The following TXNDC9 variants were observed in gnomAD, a reference collection of about 807,000 sequenced individuals.
TXNDC9 encodes thioredoxin domain containing 9.
TXNDC9 carries 7 observed loss-of-function variants against 23.0 expected under a neutral mutation model. The ratio of observed to expected loss-of-function variants is 0.30; its 90% CI spans 0.17 to 0.57. The LOEUF is 0.57. TXNDC9 is among the 20% of genes least tolerant of loss of function. The pLI is 0.90. For missense variants in TXNDC9, 198 were observed against 252.6 expected, an observed-to-expected ratio of 0.78 and a Z score of 1.47; for synonymous variants, 72 against 90.6, an observed-to-expected ratio of 0.79 and a Z score of 1.17.
rs1378629256 is a variant in TXNDC9 at position 99,336,313 on chromosome 2, G to C, written c.-107C>G. ...ACACGTCCACTCCGGCTTTTGCCTT[G>C]CAGTAGCTGCCGGCGGCTGCAAACG... On this transcript the variant is annotated 5_prime_UTR_variant, in exon 1 of 5. Transcript: ENST00000264255. The C allele has an allele frequency of 1.0e-5, 10 of 985,388 alleles. No individual in the cohort carries two copies. The highest frequency in any genetic ancestry group is 1.1e-5 in the Non-Finnish European group (9 of 830,006). 61.0% of individuals were successfully genotyped at this position (985,388 alleles called of 1,614,324 possible).
At chr2:99,313,867 T>A in the TXNDC9 span, among the ~76,000 whole-genome samples, 1 of 152,232 alleles carries the variant, frequency 6.6e-6, no homozygotes, top group Admixed American at 6.5e-5. Flanking sequence ...TTGACCTATT[T>A]CATTCCTAAA....
chr2:99,322,653 T>C (rs1373329136), intron 3 of TXNDC9: 3 of 1,540,476 alleles, frequency 1.9e-6, no homozygotes, highest in Non-Finnish European at 8.7e-7. Flanking sequence ...CTCCTAAATA[T>C]GCAACGCTGT....
chr2:99,327,948 C>T (rs1399817418), intron 2 of TXNDC9, among the ~76,000 whole-genome samples: 1 of 151,890 alleles, frequency 6.6e-6, no homozygotes, highest in East Asian at 1.9e-4. Context: ...GTATGTCCAG[C>T]TACTTTTTGT....
intron 1 of TXNDC9, among the ~76,000 whole-genome samples, chr2:99,335,248 C>G (rs2094235880): frequency 6.6e-6 from 1 of 152,200 alleles, no homozygotes; most frequent in Non-Finnish European, 1.5e-5. Flanking sequence ...GCTTCTGACA[C>G]AGATTCTGAC....
intron 3 of TXNDC9, among the ~76,000 whole-genome samples, chr2:99,326,369 G>C (rs1468110680): frequency 6.6e-6 from 1 of 152,244 alleles, no homozygotes; most frequent in Admixed American, 6.5e-5. Flanking sequence ...ATGAGAAAGA[G>C]AGCAGGGCTG....
At chr2:99,315,441 A>G (rs2094187093), downstream of TXNDC9, among the ~76,000 whole-genome samples, 1 of 152,016 alleles carries the variant, frequency 6.6e-6, no homozygotes, top group African/African-American at 2.4e-5. Flanking sequence ...TTCCGGATAC[A>G]TTTTATCAGA....
chr2:99,324,998 C>A (rs1213704159), intron 3 of TXNDC9, among the ~76,000 whole-genome samples: 1 of 152,254 alleles, frequency 6.6e-6, no homozygotes, highest in Non-Finnish European at 1.5e-5. Flanking sequence ...CCTGCCTCAG[C>A]CTCCCAAAGT....
At chr2:99,320,876 G>A (rs951359554) in intron 4 of TXNDC9, among the ~76,000 whole-genome samples, 8 of 152,048 alleles carry the variant, frequency 5.3e-5, no homozygotes, top group Non-Finnish European at 8.8e-5. Context: ...ATGAGGATTC[G>A]TTGTACTAGT....
downstream of TXNDC9, among the ~76,000 whole-genome samples, chr2:99,318,463 C>T (rs548089941): frequency 5.3e-5 from 8 of 152,256 alleles, no homozygotes; most frequent in South Asian, 1.5e-3. Flanking sequence ...CGTGAGGCAC[C>T]GTGCCCGGCC....
intron 3 of TXNDC9, among the ~76,000 whole-genome samples, chr2:99,327,118 G>A (rs1027007992): frequency 6.6e-6 from 1 of 151,896 alleles, no homozygotes; most frequent in African/African-American, 2.4e-5. Context: ...TATCGCTCGA[G>A]CTGAAGTGCA....
intron 3 of TXNDC9, among the ~76,000 whole-genome samples, chr2:99,326,066 C>G (rs1396525586): frequency 1.3e-5 from 2 of 151,580 alleles, no homozygotes; most frequent in Non-Finnish European, 2.9e-5. Flanking sequence ...ATTTTACATA[C>G]TAGTATATTT....
downstream of TXNDC9, among the ~76,000 whole-genome samples, chr2:99,316,950 G>T (rs934099893): frequency 2.0e-5 from 3 of 152,136 alleles, no homozygotes; most frequent in Non-Finnish European, 2.9e-5. Flanking sequence ...TAGAGACGGG[G>T]TTTCACGGTG....
At chr2:99,332,570 G>A (rs1027768668) in intron 2 of TXNDC9, among the ~76,000 whole-genome samples, 1 of 152,172 alleles carries the variant, frequency 6.6e-6, no homozygotes, top group Non-Finnish European at 1.5e-5. Flanking sequence ...GGCCACCTTT[G>A]TTACAAAGCA....
downstream of TXNDC9, among the ~76,000 whole-genome samples, chr2:99,314,631 T>G (rs1225239334): frequency 6.8e-6 from 1 of 147,326 alleles, no homozygotes; most frequent in Non-Finnish European, 1.5e-5. Flanking sequence ...CCTGGGTTCA[T>G]GCAACTCTCC....
intron 2 of TXNDC9, among the ~76,000 whole-genome samples, chr2:99,331,088 C>T (rs1192546049): frequency 6.6e-6 from 1 of 152,204 alleles, no homozygotes; most frequent in African/African-American, 2.4e-5. Context: ...ATGTTCATCA[C>T]TGCAAATCAG....
At chr2:99,308,040 A>C in the TXNDC9 span, among the ~76,000 whole-genome samples, 1 of 152,202 alleles carries the variant, frequency 6.6e-6, no homozygotes. Context: ...ACACCTCTAG[A>C]GTCCATAGAC....
the TXNDC9 span, among the ~76,000 whole-genome samples, chr2:99,311,556 C>T: frequency 1.3e-5 from 2 of 152,312 alleles, no homozygotes; most frequent in African/African-American, 4.8e-5. Flanking sequence ...TTTGACCTCC[C>T]AAAGACGAGA....
intron 1 of TXNDC9, among the ~76,000 whole-genome samples, chr2:99,334,093 G>A (rs1192531596): frequency 6.6e-6 from 1 of 152,230 alleles, no homozygotes; most frequent in African/African-American, 2.4e-5. Context: ...GCTCACGCCT[G>A]TAATCCCAGC....
chr2:99,313,143 C>T, the TXNDC9 span, among the ~76,000 whole-genome samples: 1 of 152,032 alleles, frequency 6.6e-6, no homozygotes, highest in East Asian at 1.9e-4. Context: ...GCCTGGACAA[C>T]AAGAGCGAAA....
Sources: allele counts gnomAD v4.1 joint callset (sites outside exome capture counted in the v4.1 genomes callset), GRCh38; gene constraint gnomAD v4.1.1; transcripts MANE v1.5; gene names NCBI Gene and HGNC (gene_info 2026-07-23, HGNC 2026-07-21).